The following LEPR variants were observed in gnomAD, a reference collection of about 807,000 sequenced individuals.
LEPR encodes the protein leptin receptor.
Under a neutral mutation model 114.7 loss-of-function variants are expected in LEPR, and 56 were observed. The observed-to-expected ratio is 0.49, with a 90% confidence interval of 0.39 to 0.61. The LOEUF (loss-of-function observed/expected upper bound fraction) is 0.61. Among genes scored for constraint, LEPR ranks in the 20% least tolerant of loss-of-function variants. LEPR has a pLI of 0.00. For synonymous variants in LEPR, 443 were observed against 461.4 expected, an observed-to-expected ratio of 0.96 and a Z score of 0.51; for missense variants, 1,202 against 1,352.9, an observed-to-expected ratio of 0.89 and a Z score of 1.75.
At chr1:65,606,064 G>T (rs184424195) in intron 11 of LEPR, among the ~76,000 whole-genome samples, 1 of 152,040 alleles carries the variant, frequency 6.6e-6, no homozygotes, top group East Asian at 1.9e-4. Context: ...TTTGTTGGGG[G>T]ATTATGTCAA....
chr1:65,525,658 T>C (rs1649895450), intron 2 of LEPR: 1 of 985,482 alleles, frequency 1.0e-6, no homozygotes, highest in Non-Finnish European at 1.2e-6. Flanking sequence ...CGCACTCGGC[T>C]GCCCTCCTCC....
Position 65,636,435 on chromosome 1 carries a change from C to T in LEPR, c.2918C>T (p.Thr973Ile). 6.2e-7 allele frequency: 1 copy of T among 1,614,036 alleles called. No homozygotes were observed. Among genetic ancestry groups the T allele is most frequent in the Non-Finnish European group, 8.5e-7 (1 of 1,179,992 alleles). Reference protein sequence around the residue: ...NFSEAEGTEVTYEDESQRQPF... With the variant: ...NFSEAEGTEVIYEDESQRQPF... Reference sequence around the variant, plus strand: ...TCTGAGGCTGAGGGTACTGAGGTAACCTATGAGGACGAAAGCCAGAGACAA... The same window carrying T: ...TCTGAGGCTGAGGGTACTGAGGTAATCTATGAGGACGAAAGCCAGAGACAA... Residue 973 changes from threonine (T) to isoleucine (I), a missense_variant, in exon 20 of 20, where the codon ACC (threonine) becomes ATC (isoleucine). By Grantham distance (89) the Thr-to-Ile change is moderately conservative (BLOSUM62 -1). Transcript: ENST00000349533.
intron 2 of LEPR, among the ~76,000 whole-genome samples, chr1:65,468,449 T>G (rs1259803719): frequency 3.3e-5 from 5 of 152,220 alleles, no homozygotes; most frequent in Non-Finnish European, 5.9e-5. Context: ...CTTCTGTGAT[T>G]CTAAAACCAT....
At chr1:65,535,982 C>T (rs1317690507) in intron 2 of LEPR, among the ~76,000 whole-genome samples, 2 of 152,060 alleles carry the variant, frequency 1.3e-5, no homozygotes, top group Admixed American at 6.6e-5. Context: ...CCTAATTACC[C>T]TTTTTTCTAG....
chr1:65,605,221 C>T lies in LEPR; in HGVS notation c.1587C>T (p.Val529=). Residue 529 remains valine (V), a synonymous_variant, in exon 11 of 20, where the codon GTC becomes GTT. Transcript: ENST00000349533. The part of the protein sequence containing the change: ...LGSLDSPPTC[V]LPDSVVKPLP... Reference sequence around the variant, plus strand: ...CACTTGACTCTCCACCAACATGTGTCCTTCCTGATTCTGTGGGTATGTCAA... The same window carrying T: ...CACTTGACTCTCCACCAACATGTGTTCTTCCTGATTCTGTGGGTATGTCAA... 1 of 1,614,066 alleles carries T rather than the reference C, an allele frequency of 6.2e-7. No homozygotes were observed. Among genetic ancestry groups the T allele is most frequent in the Non-Finnish European group, 8.5e-7 (1 of 1,180,018 alleles).
intron 2 of LEPR, among the ~76,000 whole-genome samples, chr1:65,531,037 A>T (rs1650356545): frequency 6.6e-6 from 1 of 151,446 alleles, no homozygotes. Context: ...TCTCCTCCAA[A>T]CTCTCCATGG....
chr1:65,601,964 C>A lies in LEPR; in HGVS notation c.1403+4C>A. ...CTTTGCAATTGAGGTATCATAGGTA[C>A]GTATTATTTTTGCTGTTTTGTTTTT... On this transcript the variant is annotated splice_donor_region_variant and intron_variant, in intron 10 of 19. Coordinates refer to ENST00000349533, the MANE Select transcript of LEPR (RefSeq NM_002303.6). 1 of 1,610,350 alleles carries A rather than the reference C, an allele frequency of 6.2e-7. No individual in the cohort carries two copies. Among genetic ancestry groups the A allele is most frequent in the Non-Finnish European group, 8.5e-7 (1 of 1,176,772 alleles).
chr1:65,425,153 C>A, intron 1 of LEPR, 150 bp from the exon 2 acceptor site: 1 of 632,794 alleles, frequency 1.6e-6, no homozygotes, highest in East Asian at 3.1e-5. Context: ...GAAGGTTATG[C>A]AGCCATCACT....
intron 2 of LEPR, among the ~76,000 whole-genome samples, chr1:65,431,284 A>G (rs1268359821): frequency 6.6e-6 from 1 of 152,242 alleles, no homozygotes; most frequent in Non-Finnish European, 1.5e-5. Context: ...AAAACAAAAA[A>G]TGCCCACTAG....
intron 5 of LEPR, among the ~76,000 whole-genome samples, chr1:65,588,407 A>T (rs529126536): frequency 1.3e-5 from 2 of 151,996 alleles, no homozygotes; most frequent in Non-Finnish European, 2.9e-5. Context: ...AAATAGTTTT[A>T]TTGAGGTATA....
chr1:65,420,752 T>G lies in LEPR; in HGVS notation c.-97+12T>G, dbSNP rs767660276. ...GGCGGGCGTTAAAGGTACATCGCGGTCCCCGGCTCGCTTGTCGTGTGGTGG... is the reference window on the plus strand; with the variant it reads ...GGCGGGCGTTAAAGGTACATCGCGGGCCCCGGCTCGCTTGTCGTGTGGTGG... On this transcript the variant is annotated intron_variant, in intron 1 of 19. Coordinates refer to ENST00000349533, the MANE Select transcript of LEPR (RefSeq NM_002303.6). The G allele has an allele frequency of 3.2e-6, 5 of 1,578,902 alleles. No individual in the cohort carries two copies. The Admixed American group carries it at 7.6e-5, about 24-fold the overall frequency.
At chr1:65,629,298 A>G in intron 19 of LEPR, 2 of 426,506 alleles carry the variant, frequency 4.7e-6, no homozygotes, top group South Asian at 1.7e-5. Flanking sequence ...TCTACTTTCC[A>G]ATCTCTAAAT....
intron 2 of LEPR, among the ~76,000 whole-genome samples, chr1:65,510,497 T>G (rs1325226187): frequency 3.9e-5 from 6 of 152,148 alleles, no homozygotes; most frequent in African/African-American, 7.2e-5. Flanking sequence ...CACGTGGCCT[T>G]TGCTCCTTCT....
chr1:65,550,483 C>G (rs1306029877), intron 2 of LEPR, among the ~76,000 whole-genome samples: 1 of 152,240 alleles, frequency 6.6e-6, no homozygotes, highest in Admixed American at 6.5e-5. Flanking sequence ...TTCGAGCTTC[C>G]TGGCTGTTTT....
At chr1:65,522,089 A>G (rs1258034119) in intron 2 of LEPR, among the ~76,000 whole-genome samples, 1 of 152,110 alleles carries the variant, frequency 6.6e-6, no homozygotes. Context: ...TATACTGAAA[A>G]ACTTTCCAAA....
At chr1:65,427,328 C>T (rs541621880) in intron 2 of LEPR, among the ~76,000 whole-genome samples, 1 of 152,254 alleles carries the variant, frequency 6.6e-6, no homozygotes, top group African/African-American at 2.4e-5. Context: ...AATCCCAGCA[C>T]TTTGGGAGGC....
intron 2 of LEPR, among the ~76,000 whole-genome samples, chr1:65,532,116 C>T (rs1650444196): frequency 6.6e-6 from 1 of 152,126 alleles, no homozygotes; most frequent in African/African-American, 2.4e-5. Flanking sequence ...TGAGATTAAG[C>T]CTGGTGTCTG....
chr1:65,538,973 A>G (rs764829189), intron 2 of LEPR, among the ~76,000 whole-genome samples: 1 of 140,624 alleles, frequency 7.1e-6, no homozygotes, highest in Non-Finnish European at 1.6e-5. Flanking sequence ...TCTCCTTTCT[A>G]TTCTTTTTTT....
intron 2 of LEPR, among the ~76,000 whole-genome samples, chr1:65,506,241 A>G (rs542579645): frequency 1.3e-5 from 2 of 152,330 alleles, no homozygotes; most frequent in African/African-American, 4.8e-5. Flanking sequence ...ACCGGGATTC[A>G]GTTGTTTGCA....
Sources: allele counts gnomAD v4.1 joint callset (sites outside exome capture counted in the v4.1 genomes callset), GRCh38; gene constraint gnomAD v4.1.1; transcripts MANE v1.5; gene names NCBI Gene and HGNC (gene_info 2026-07-23, HGNC 2026-07-21).